PDE10A: variants seen among roughly 807,000 people sequenced by gnomAD.
PDE10A encodes cAMP and cAMP-inhibited cGMP 3',5'-cyclic phosphodiesterase 10A.
Under a neutral mutation model 97.7 loss-of-function variants are expected in PDE10A, and 39 were observed. The observed-to-expected ratio is 0.40, with a 90% CI of 0.31 to 0.52. The LOEUF is 0.52. PDE10A is among the 20% of genes least tolerant of loss of function. PDE10A has a pLI of 0.56. For missense variants in PDE10A, 731 were observed against 1,047.8 expected (o/e 0.70, Z 4.17); for synonymous variants, 371 against 376.8 (o/e 0.98, Z 0.18).
At chr6:165,781,080 C>A (rs1778328712) in intron 1 of PDE10A, 1 of 152,170 alleles carries the variant, frequency 6.6e-6, no homozygotes, top group Admixed American at 6.5e-5. Context: ...TGAATTAGTT[C>A]TCCAGGGAAT....
chr6:165,344,429 C>T (rs939193350), intron 18 of PDE10A, among the ~76,000 whole-genome samples: 2 of 152,126 alleles, frequency 1.3e-5, no homozygotes, highest in Non-Finnish European at 2.9e-5. Context: ...ATGAGTGAGA[C>T]GATGCTCTTA....
chr6:165,410,302 A>T (rs964321132), intron 13 of PDE10A, among the ~76,000 whole-genome samples: 6 of 152,240 alleles, frequency 3.9e-5, no homozygotes, highest in Non-Finnish European at 7.3e-5. Flanking sequence ...CAGAATTATC[A>T]GTACTTTTTG....
intron 1 of PDE10A, among the ~76,000 whole-genome samples, chr6:165,912,877 A>G (rs1464656322): frequency 6.6e-6 from 1 of 152,220 alleles, no homozygotes; most frequent in Non-Finnish European, 1.5e-5. Context: ...TGGCTAATGC[A>G]GTGTACATGG....
chr6:165,708,367 G>A, intron 1 of PDE10A, among the ~76,000 whole-genome samples: 1 of 152,006 alleles, frequency 6.6e-6, no homozygotes, highest in Non-Finnish European at 1.5e-5. Flanking sequence ...CCCTCCCAAG[G>A]TGATCTCCTC....
chr6:165,494,580 G>T (rs889915944), intron 2 of PDE10A, among the ~76,000 whole-genome samples: 1 of 150,442 alleles, frequency 6.6e-6, no homozygotes, highest in Non-Finnish European at 1.5e-5. Context: ...AATAAAGAAA[G>T]GTGATCATTT....
intron 1 of PDE10A, among the ~76,000 whole-genome samples, chr6:165,923,775 T>C (rs1022629844): frequency 2.8e-5 from 2 of 72,596 alleles, no homozygotes; most frequent in African/African-American, 5.2e-5. Context: ...ATTAACTGTG[T>C]TTTTTTTTTT....
intron 1 of PDE10A, among the ~76,000 whole-genome samples, chr6:165,961,761 G>A (rs1294096075): frequency 6.6e-6 from 1 of 152,184 alleles, no homozygotes; most frequent in Non-Finnish European, 1.5e-5. Flanking sequence ...CAATTCTTAA[G>A]GAAGACATGC....
At chr6:165,477,894 CCTT>C (rs1424196052) in intron 3 of PDE10A, among the ~76,000 whole-genome samples, 1 of 152,136 alleles carries the variant, frequency 6.6e-6, no homozygotes, top group Non-Finnish European at 1.5e-5. Flanking sequence ...ACTGATTTCT[CCTT>C]CTTTCTCTCC....
chr6:165,902,482 C>T (rs1342793663), intron 1 of PDE10A, among the ~76,000 whole-genome samples: 1 of 152,190 alleles, frequency 6.6e-6, no homozygotes, highest in African/African-American at 2.4e-5. Flanking sequence ...CCCTGAAATA[C>T]TTCCTCTCTT....
chr6:165,684,917 T>C (rs1405444088), intron 1 of PDE10A, among the ~76,000 whole-genome samples: 2 of 152,214 alleles, frequency 1.3e-5, no homozygotes, highest in Non-Finnish European at 2.9e-5. Flanking sequence ...AACCAGGAAG[T>C]GGACAGTGAG....
chr6:165,680,997 T>C (rs1438471951), intron 1 of PDE10A, among the ~76,000 whole-genome samples: 1 of 152,244 alleles, frequency 6.6e-6, no homozygotes, highest in Admixed American at 6.5e-5. Context: ...TATCTTTACA[T>C]TGCTGAAGAG....
At chr6:165,627,949 A>G (rs903845640) in intron 1 of PDE10A, among the ~76,000 whole-genome samples, 1 of 152,240 alleles carries the variant, frequency 6.6e-6, no homozygotes, top group Non-Finnish European at 1.5e-5. Context: ...TGCATTTGAA[A>G]GCAATTTATT....
chr6:165,961,304 G>A (rs62425371), intron 1 of PDE10A, among the ~76,000 whole-genome samples: 7,255 of 152,234 alleles, frequency 0.048, 230 homozygotes, highest in Middle Eastern at 0.13. Flanking sequence ...ATCACAAGCC[G>A]GGCAACTTCA....
At chr6:165,448,053 T>C (rs909489069) in intron 5 of PDE10A, among the ~76,000 whole-genome samples, 5 of 152,318 alleles carry the variant, frequency 3.3e-5, no homozygotes, top group Admixed American at 6.5e-5. Flanking sequence ...CCTAGTAACA[T>C]TGTATATAAT....
At chr6:165,564,292 G>C (rs747341992) in intron 1 of PDE10A, among the ~76,000 whole-genome samples, 44 of 152,240 alleles carry the variant, frequency 2.9e-4, no homozygotes, top group Non-Finnish European at 5.3e-4. Flanking sequence ...AAAAGATTGG[G>C]GGTTGAAGGT....
intron 1 of PDE10A, among the ~76,000 whole-genome samples, chr6:165,840,744 C>A (rs1244941334): frequency 6.6e-6 from 1 of 152,142 alleles, no homozygotes; most frequent in Non-Finnish European, 1.5e-5. Context: ...TTTTTGTCTA[C>A]TTTTTAGTAA....
At chr6:165,964,424 G>C (rs1301280593) in intron 1 of PDE10A, among the ~76,000 whole-genome samples, 1 of 152,100 alleles carries the variant, frequency 6.6e-6, no homozygotes, top group Non-Finnish European at 1.5e-5. Context: ...GTTCTCTTTT[G>C]TGTCATTGCC....
chr6:165,497,133 T>G (rs1469398575), intron 2 of PDE10A, among the ~76,000 whole-genome samples: 3 of 152,072 alleles, frequency 2.0e-5, no homozygotes, highest in Non-Finnish European at 2.9e-5. Context: ...ACAAGCCATA[T>G]CAAAAAAAAG....
chr6:165,682,893 C>A (rs1220862894), intron 1 of PDE10A, among the ~76,000 whole-genome samples: 1 of 152,204 alleles, frequency 6.6e-6, no homozygotes, highest in East Asian at 1.9e-4. Context: ...ACCTTCAGGT[C>A]TGGGTTAGGT....
Sources: allele counts gnomAD v4.1 joint callset (sites outside exome capture counted in the v4.1 genomes callset), GRCh38; gene constraint gnomAD v4.1.1; transcripts MANE v1.5; gene names NCBI Gene and HGNC (gene_info 2026-07-23, HGNC 2026-07-21).